ZNF804A: variants seen among roughly 807,000 people sequenced by gnomAD.
ZNF804A encodes zinc finger protein 804A.
ZNF804A carries 2 observed loss-of-function variants against 16.5 expected under a neutral mutation model. That is an observed-to-expected ratio of 0.12 (90% CI 0.05 to 0.38). The LOEUF is 0.38. Among genes scored for constraint, ZNF804A ranks in the 10% least tolerant of loss-of-function variants. The pLI is 0.99. For missense variants in ZNF804A, 1,473 were observed against 1,390.7 expected (o/e 1.06, Z -0.94); for synonymous variants, 534 against 489.6 (o/e 1.09, Z -1.20).
intron 2 of ZNF804A, among the ~76,000 whole-genome samples, chr2:184,910,255 C>T (rs567532789): frequency 2.0e-5 from 3 of 151,960 alleles, no homozygotes; most frequent in Admixed American, 6.6e-5. Context: ...TTAATTTGCT[C>T]AGGATAATGG....
rs959205696 is a variant in ZNF804A, at chr2:184,772,538, G to A, written c.112-93831G>A. On this transcript the variant is annotated intron_variant, in intron 1 of 3. Transcript: ENST00000302277. ...AATATTTGTTTATTCATCAGTTTGGGGTGTTTCTACTTTTTAGCTATTGTC... is the reference window on the plus strand; with the variant it reads ...AATATTTGTTTATTCATCAGTTTGGAGTGTTTCTACTTTTTAGCTATTGTC... Among the ~76,000 whole-genome samples the A allele has an allele frequency of 3.3e-5, 5 of 151,560 alleles. No homozygotes were observed. In the Admixed American group the frequency reaches 3.3e-4, roughly 10 times the overall value.
intron 2 of ZNF804A, among the ~76,000 whole-genome samples, chr2:184,903,772 G>A (rs1234939891): frequency 6.6e-6 from 1 of 152,032 alleles, no homozygotes; most frequent in East Asian, 1.9e-4. Flanking sequence ...AACTTGATGA[G>A]TTTGGACATA....
At chr2:184,612,774 T>A (rs1027169038) in intron 1 of ZNF804A, among the ~76,000 whole-genome samples, 1 of 152,176 alleles carries the variant, frequency 6.6e-6, no homozygotes, top group Non-Finnish European at 1.5e-5. Flanking sequence ...CACACAAAGC[T>A]TTTTCACAGG....
Position 184,937,134 on chromosome 2 carries a change from A to T in ZNF804A, c.1738A>T (p.Ile580Leu). 1 of 1,603,832 alleles carries T rather than the reference A, an allele frequency of 6.2e-7. No homozygotes were observed. Among genetic ancestry groups the T allele is most frequent in the Non-Finnish European group, 8.5e-7 (1 of 1,177,508 alleles). Residue 580 changes from isoleucine to leucine, a missense_variant, in exon 4 of 4, where the codon ATA becomes TTA. Ile to Leu is a conservative substitution (Grantham distance 5, BLOSUM62 2). Transcript: ENST00000302277. ...CACTCTAGATGAAAAATACAACAAA[A>T]TAAGGTTGAAAGAGACCCATGAATA... ...QDTLDEKYNKIRLKETHEYWF... is the reference protein window; with the variant it reads ...QDTLDEKYNKLRLKETHEYWF...
chr2:184,678,755 T>C (rs1458476620), intron 1 of ZNF804A, among the ~76,000 whole-genome samples: 1 of 152,156 alleles, frequency 6.6e-6, no homozygotes, highest in African/African-American at 2.4e-5. Flanking sequence ...TAACATGAAC[T>C]AATGGGTGCT....
At chr2:184,638,079 G>C (rs569723719) in intron 1 of ZNF804A, among the ~76,000 whole-genome samples, 1 of 152,226 alleles carries the variant, frequency 6.6e-6, no homozygotes, top group East Asian at 1.9e-4. Flanking sequence ...CTGTTGTTGT[G>C]TGCCAGTTAA....
chr2:184,816,309 C>T (rs1400650879), intron 1 of ZNF804A, among the ~76,000 whole-genome samples: 1 of 151,970 alleles, frequency 6.6e-6, no homozygotes, highest in African/African-American at 2.4e-5. Flanking sequence ...GCTCTCCCTC[C>T]TACCTAATTC....
chr2:184,829,655 G>A (rs1695227515), intron 1 of ZNF804A, among the ~76,000 whole-genome samples: 1 of 151,608 alleles, frequency 6.6e-6, no homozygotes, highest in African/African-American at 2.4e-5. Context: ...TATTTTACAG[G>A]AATTATTAAT....
chr2:184,796,026 C>G (rs1352919220), intron 1 of ZNF804A, among the ~76,000 whole-genome samples: 2 of 151,958 alleles, frequency 1.3e-5, no homozygotes, highest in African/African-American at 4.8e-5. Context: ...CATTTATTGA[C>G]TCGCATATGT....
intron 1 of ZNF804A, among the ~76,000 whole-genome samples, chr2:184,756,965 A>G (rs1264036967): frequency 1.3e-5 from 2 of 151,958 alleles, no homozygotes; most frequent in African/African-American, 4.8e-5. Context: ...ATCTTTCTAA[A>G]CAGTTATTTT....
intron 1 of ZNF804A, among the ~76,000 whole-genome samples, chr2:184,695,816 G>A (rs916659416): frequency 4.6e-5 from 7 of 151,814 alleles, no homozygotes; most frequent in African/African-American, 1.5e-4. Context: ...TTCTCTTTTA[G>A]GATTTATATA....
In ZNF804A at chr2:184,937,456, T is replaced by C; in HGVS notation, c.2060T>C (p.Ile687Thr). ...WNTEYNTYDT[I>T]SSKNHCKKNT... The stretch of plus-strand genomic sequence containing the variant: ...ACTGAATACAACACTTATGATACTA[T>C]CAGTTCTAAAAACCACTGTAAAAAG... The change falls in exon 4 of 4, where the codon ATC becomes ACC. Residue 687 changes from isoleucine (I) to threonine (T), a missense_variant. Transcript: ENST00000302277. The C allele has an allele frequency of 6.2e-7, 1 of 1,607,130 alleles. No individual in the cohort carries two copies. Among genetic ancestry groups the C allele is most frequent in the Non-Finnish European group, 8.5e-7 (1 of 1,177,676 alleles).
intron 2 of ZNF804A, among the ~76,000 whole-genome samples, chr2:184,889,755 G>A (rs11899082): frequency 0.33 from 49,511 of 151,642 alleles, 10,795 homozygotes; most frequent in African/African-American, 0.62. Context: ...ATTCAATTGC[G>A]TGCCTCACTA....
Position 184,938,767 on chromosome 2 carries a change from T to C in ZNF804A, c.3371T>C (p.Val1124Ala), listed in dbSNP as rs764740472. 1 of 1,613,262 alleles carries C rather than the reference T, an allele frequency of 6.2e-7. No homozygotes were observed. The highest frequency in any genetic ancestry group is 2.2e-5 in the East Asian group (1 of 44,794). The change falls in exon 4 of 4, where the codon GTG becomes GCG. Residue 1124 changes from valine (V) to alanine (A), a missense_variant. Coordinates refer to ENST00000302277, the MANE Select transcript of ZNF804A (RefSeq NM_194250.2). ...GCCGCAGCTGCAGGAACCTTTAAAG[T>C]GCTTCAGCCACACCAACAGTTTCTT... ...AAAAAAGTFKVLQPHQQFLSQ... is the reference protein window; with the variant it reads ...AAAAAAGTFKALQPHQQFLSQ...
chr2:184,888,636 A>G (rs1684934037), intron 2 of ZNF804A, among the ~76,000 whole-genome samples: 1 of 152,162 alleles, frequency 6.6e-6, no homozygotes, highest in Non-Finnish European at 1.5e-5. Flanking sequence ...AGAATCATGG[A>G]GTCCAGAACT....
intron 2 of ZNF804A, among the ~76,000 whole-genome samples, chr2:184,906,403 A>G (rs2105829706): frequency 6.6e-6 from 1 of 152,188 alleles, no homozygotes; most frequent in South Asian, 2.1e-4. Context: ...GGCTCAAGCA[A>G]TTATTCCACC....
intron 1 of ZNF804A, among the ~76,000 whole-genome samples, chr2:184,766,083 A>G (rs2105765956): frequency 6.6e-6 from 1 of 152,272 alleles, no homozygotes; most frequent in East Asian, 1.9e-4. Flanking sequence ...TTGCCCCACA[A>G]CATGTATCGA....
At chr2:184,731,060 T>C (rs756969629) in intron 1 of ZNF804A, among the ~76,000 whole-genome samples, 11 of 151,444 alleles carry the variant, frequency 7.3e-5, no homozygotes, top group Non-Finnish European at 1.5e-4. Flanking sequence ...CTGGTCAACA[T>C]GGTGAAACCC....
chr2:184,821,068 T>C (rs1695071133), intron 1 of ZNF804A, among the ~76,000 whole-genome samples: 2 of 152,044 alleles, frequency 1.3e-5, no homozygotes, highest in South Asian at 2.1e-4. Context: ...ATAAATTATT[T>C]TAAAATTCAT....
Sources: gnomAD v4.1 joint callset for allele counts (sites outside exome capture counted in the v4.1 genomes callset) on GRCh38, gnomAD v4.1.1 for gene constraint, MANE v1.5 for transcripts, NCBI Gene and HGNC (gene_info 2026-07-23, HGNC 2026-07-21) for gene names.